The following PREX1 variants were observed in gnomAD, a reference collection of about 807,000 sequenced individuals.
PREX1 encodes phosphatidylinositol 3,4,5-trisphosphate-dependent Rac exchanger 1 protein.
Under a neutral mutation model 198.3 loss-of-function variants are expected in PREX1, and 41 were observed. The observed-to-expected ratio is 0.21, with a 90% CI of 0.16 to 0.27. The LOEUF (loss-of-function observed/expected upper bound fraction) is 0.27. Among genes scored for constraint, PREX1 ranks in the 10% least tolerant of loss-of-function variants. The probability of loss-of-function intolerance (pLI) is 1.00; values close to 1 mark genes in which losing one functional copy is unlikely to be tolerated. For synonymous variants in PREX1, 843 were observed against 887.2 expected (o/e 0.95, Z 0.89); for missense variants, 1,620 against 2,200.7 (o/e 0.74, Z 5.28).
chr20:48,801,838 C>T lies in PREX1; in HGVS notation c.219+25804G>A, dbSNP rs147969345. On this transcript the variant is annotated intron_variant, in intron 1 of 39. Transcript: ENST00000371941. ...CCCTCATGAGTGGGCTGGTGCCATC[C>T]TCACAGTAGTGAGCTCTCACTCTGG... is the stretch of plus-strand genomic sequence containing the variant. Among the ~76,000 whole-genome samples the T allele has an allele frequency of 1.9e-3, 288 of 152,328 alleles. 4 individuals carry two copies. The highest frequency in any genetic ancestry group is 6.5e-3 in the African/African-American group (272 of 41,572).
At chr20:48,651,197 C>T in intron 22 of PREX1, 142 bp from the exon 23 acceptor site, 1 of 1,299,500 alleles carries the variant, frequency 7.7e-7, no homozygotes, top group Non-Finnish European at 1.0e-6. Context: ...CGGGAGTAAA[C>T]TGAGGCTAAA....
At chr20:48,882,264 A>G in the PREX1 span, among the ~76,000 whole-genome samples, 446 of 151,976 alleles carry the variant, frequency 2.9e-3, 5 homozygotes, top group African/African-American at 0.01. Context: ...GCACTTTGGG[A>G]GGCGGAGGCA....
At chr20:48,652,489 GGAGGA>G (rs1405780399) in intron 21 of PREX1, 92 bp downstream of exon 21, 2 of 1,449,008 alleles carry the variant, frequency 1.4e-6, no homozygotes, top group Admixed American at 4.7e-5. Context: ...GGACTGGCTG[GGAGGA>G]GGGGAGGGGA....
rs774966160 is a variant in PREX1 at position 48,827,696 on chromosome 20, G to C, written c.165C>G (p.Asn55Lys). The change falls in exon 1 of 40, where the codon AAC becomes AAG. Residue 55 changes from asparagine (N) to lysine (K), a missense_variant. Physicochemically the swap from Asn to Lys is moderately conservative, Grantham distance 94 (BLOSUM62 0). Around this residue, in one of 7 missense-constraint regions of PREX1, gnomAD observed 96 missense variants for 98.7 expected, o/e 0.97. Transcript: ENST00000371941. The surrounding 1 kb of genome is among the most constrained non-coding windows in gnomAD (Gnocchi z 4.1). ...RQLRLRLCVL[N>K]EILGTERDYV... ...AGTCCCTCTCGGTGCCCAAGATCTCGTTGAGGACGCAGAGGCGGAGGCGCA... is the reference window on the plus strand; with the variant it reads ...AGTCCCTCTCGGTGCCCAAGATCTCCTTGAGGACGCAGAGGCGGAGGCGCA... 7.2e-7 allele frequency: 1 copy of C among 1,386,996 alleles called. No homozygotes were observed. Among genetic ancestry groups the C allele is most frequent in the Non-Finnish European group, 9.5e-7 (1 of 1,056,690 alleles). 85.9% of individuals were successfully genotyped at this position (1,386,996 alleles called of 1,614,324 possible).
chr20:48,747,168 G>A (rs149010895), intron 2 of PREX1, among the ~76,000 whole-genome samples: 1 of 152,314 alleles, frequency 6.6e-6, no homozygotes, highest in East Asian at 1.9e-4. Flanking sequence ...TTCTATGACC[G>A]AGTCCTTTGT....
rs959843092 is a variant in PREX1 at position 48,691,916 on chromosome 20, G to A, written c.1036+756C>T. ...CATATTTTCTGGGCGGGGAGACTAG[G>A]TGTCGCTCTGTCACCCAGGCTGGAG... is the stretch of plus-strand genomic sequence containing the variant. On this transcript the variant is annotated intron_variant, in intron 8 of 39. Transcript: ENST00000371941. The surrounding 1 kb of genome is among the most constrained non-coding windows in gnomAD (Gnocchi z 5.0). Among the ~76,000 whole-genome samples, 1 of 152,196 alleles carries A rather than the reference G, an allele frequency of 6.6e-6. No homozygotes were observed. The highest frequency in any genetic ancestry group is 1.5e-5 in the Non-Finnish European group (1 of 68,024).
At chr20:48,731,790 G>T (rs1035662063) in intron 4 of PREX1, among the ~76,000 whole-genome samples, 1 of 152,178 alleles carries the variant, frequency 6.6e-6, no homozygotes, top group Non-Finnish European at 1.5e-5. Flanking sequence ...GCCCAGACCG[G>T]CCCACCCAGC....
At chr20:48,803,211 G>A (rs1182046329) in intron 1 of PREX1, among the ~76,000 whole-genome samples, 2 of 152,296 alleles carry the variant, frequency 1.3e-5, no homozygotes. Context: ...AGGCCCACGA[G>A]GCCAATCTCA....
the PREX1 span, among the ~76,000 whole-genome samples, chr20:48,833,547 T>C: frequency 1.3e-5 from 2 of 151,816 alleles, no homozygotes; most frequent in Admixed American, 6.6e-5. Flanking sequence ...GTTCAAGTGA[T>C]TCTCCTGCCT....
In PREX1 at chr20:48,683,637, G is replaced by A. The variant is rs184209012; in HGVS notation, c.1335-2302C>T. Among the ~76,000 whole-genome samples, 234 of 152,334 alleles carry A rather than the reference G, an allele frequency of 1.5e-3. 1 individual carries two copies. The highest frequency in any genetic ancestry group is 5.3e-3 in the African/African-American group (222 of 41,568). ...CCAGCCGGGGCCTGCCGTGTCTAAA[G>A]CTGGCAGCCACTCTTCAGTGTAGCC... is the stretch of plus-strand genomic sequence containing the variant. On this transcript the variant is annotated intron_variant, in intron 10 of 39. Coordinates refer to ENST00000371941, the MANE Select transcript of PREX1 (RefSeq NM_020820.4).
intron 26 of PREX1, 49 bp downstream of exon 26, chr20:48,645,802 G>C (rs112462791): frequency 6.3e-7 from 1 of 1,595,340 alleles, no homozygotes; most frequent in East Asian, 2.3e-5. Flanking sequence ...GGCCTCACCT[G>C]TCCAGGGCCA....
chr20:48,639,670 G>T lies in PREX1; in HGVS notation c.3904+96C>A, dbSNP rs2089393106. The T allele has an allele frequency of 4.0e-6, 6 of 1,517,196 alleles. No individual in the cohort carries two copies. The South Asian group carries it at 7.6e-5, about 19-fold the overall frequency. 94.0% of individuals were successfully genotyped at this position (1,517,196 alleles called of 1,614,324 possible). ...CCTCTCCCTGGTCATGGAGAAACAG[G>T]GGTCACAGAACTGGATCCATTCCTG... On this transcript the variant is annotated intron_variant, in intron 30 of 39. Coordinates refer to ENST00000371941, the MANE Select transcript of PREX1 (RefSeq NM_020820.4).
Position 48,649,413 on chromosome 20 carries a change from G to A in PREX1, c.3192C>T (p.Leu1064=). The change falls in exon 25 of 40, where the codon CTC becomes CTT. Residue 1064 remains leucine, a synonymous_variant. Coordinates refer to ENST00000371941, the MANE Select transcript of PREX1 (RefSeq NM_020820.4). ...GGTCCTCCTGCTTGAGTAGGAAGCT[G>A]AGGCCCCGGTCTTCCTGACCAAGGG... ...SGTLGQEDRG[L]SFLLKQEDRE... is the part of the protein sequence containing the mutation. 6.2e-7 allele frequency: 1 copy of A among 1,614,192 alleles called. No homozygotes were observed. Among genetic ancestry groups the A allele is most frequent in the East Asian group, 2.2e-5 (1 of 44,878 alleles).
chr20:48,880,981 TAAAAAAAAAAAAAAA>T, the PREX1 span, among the ~76,000 whole-genome samples: 6 of 20,996 alleles, frequency 2.9e-4, 1 homozygote, highest in African/African-American at 1.0e-3. Flanking sequence ...AAACCATTGC[TAAAAAAAAAAAAAAA>T]AAAAAAAAAA....
chr20:48,729,496 G>A (rs140399285), intron 4 of PREX1, among the ~76,000 whole-genome samples: 36 of 152,140 alleles, frequency 2.4e-4, no homozygotes, highest in African/African-American at 8.0e-4. Flanking sequence ...TGGATGTACT[G>A]CAGGTATCTT....
intron 33 of PREX1, among the ~76,000 whole-genome samples, chr20:48,633,753 C>T (rs1049400235): frequency 1.1e-4 from 16 of 152,282 alleles, no homozygotes; most frequent in Admixed American, 1.0e-3. Context: ...GCACCCAGAC[C>T]CCACCCCACA....
the PREX1 span, among the ~76,000 whole-genome samples, chr20:48,864,047 G>A: frequency 3.3e-5 from 5 of 152,000 alleles, no homozygotes; most frequent in South Asian, 1.0e-3. Flanking sequence ...TTGCTTCCAC[G>A]TTTTGGCAAT....
chr20:48,764,136 T>G (rs1444594969), intron 1 of PREX1, among the ~76,000 whole-genome samples: 2 of 152,102 alleles, frequency 1.3e-5, no homozygotes, highest in African/African-American at 4.8e-5. Context: ...GGCCACATCA[T>G]TAAAGTTGTG....
At chr20:48,637,430 G>C (rs6019335) in intron 31 of PREX1, among the ~76,000 whole-genome samples, 1 of 152,350 alleles carries the variant, frequency 6.6e-6, no homozygotes, top group East Asian at 1.9e-4. Context: ...TGGGGCTGAA[G>C]GCTCTACCGG....
Sources: gnomAD v4.1 joint callset for allele counts (sites outside exome capture counted in the v4.1 genomes callset) on GRCh38, gnomAD v4.1.1 for gene constraint, gnomAD v4.1.1 regional missense constraint, Gnocchi (gnomAD v3.1) non-coding constraint, MANE v1.5 for transcripts, NCBI Gene and HGNC (gene_info 2026-07-23, HGNC 2026-07-21) for gene names.